The following OPCML variants were observed in gnomAD, a reference collection of about 807,000 sequenced individuals.
OPCML encodes the protein opioid-binding protein/cell adhesion molecule.
OPCML carries 13 observed loss-of-function variants against 37.8 expected under a neutral mutation model. That is an observed-to-expected ratio of 0.34 (90% CI 0.22 to 0.55). The LOEUF is 0.55. Among genes scored for constraint, OPCML ranks in the 20% least tolerant of loss-of-function variants. The pLI, the probability that OPCML is intolerant of heterozygous loss-of-function variation, is 0.91. For missense variants in OPCML, 341 were observed against 435.6 expected (o/e 0.78, Z 1.93); for synonymous variants, 176 against 168.8 (o/e 1.04, Z -0.33).
At chr11:133,420,194 C>CTT in intron 1 of OPCML, 44 of 717,068 alleles carry the variant, frequency 6.1e-5, no homozygotes, top group Non-Finnish European at 7.1e-5. Context: ...CACACAAGTA[C>CTT]TTTTTTTTTT....
At chr11:132,946,216 A>G (rs888472109) in intron 1 of OPCML, among the ~76,000 whole-genome samples, 14 of 152,200 alleles carry the variant, frequency 9.2e-5, no homozygotes, top group Admixed American at 2.0e-4. Context: ...TTCAGGAGCA[A>G]TAACATGCAC....
intron 4 of OPCML, among the ~76,000 whole-genome samples, chr11:132,527,928 G>GTCA (rs1555146126): frequency 7.3e-5 from 11 of 151,640 alleles, no homozygotes; most frequent in Non-Finnish European, 1.6e-4. Flanking sequence ...AGAGATCAGG[G>GTCA]TAATATATTT....
At chr11:133,126,826 C>T (rs1949524888) in intron 1 of OPCML, among the ~76,000 whole-genome samples, 1 of 152,076 alleles carries the variant, frequency 6.6e-6, no homozygotes, top group Non-Finnish European at 1.5e-5. Flanking sequence ...CATAGGGACC[C>T]ACGGGCACAT....
intron 2 of OPCML, among the ~76,000 whole-genome samples, chr11:132,836,764 G>A (rs1236266130): frequency 6.6e-6 from 1 of 152,166 alleles, no homozygotes; most frequent in South Asian, 2.1e-4. Flanking sequence ...ATTTATTTAA[G>A]CCCCAGCGGA....
intron 3 of OPCML, among the ~76,000 whole-genome samples, chr11:132,606,144 T>A (rs761941491): frequency 6.6e-6 from 1 of 152,192 alleles, no homozygotes; most frequent in African/African-American, 2.4e-5. Context: ...ATGAGAATGC[T>A]TCAGTCCTAT....
At chr11:132,613,886 C>A (rs969978496) in intron 3 of OPCML, among the ~76,000 whole-genome samples, 24 of 152,024 alleles carry the variant, frequency 1.6e-4, no homozygotes, top group African/African-American at 5.6e-4. Flanking sequence ...TCTTTTGAAA[C>A]CTCTTCTGGG....
chr11:133,147,074 A>C (rs1949907925), intron 1 of OPCML, among the ~76,000 whole-genome samples: 1 of 152,226 alleles, frequency 6.6e-6, no homozygotes, highest in South Asian at 2.1e-4. Context: ...GAACTCCTTC[A>C]GTCAGCAACA....
intron 1 of OPCML, among the ~76,000 whole-genome samples, chr11:133,142,711 A>G (rs1949841068): frequency 6.6e-6 from 1 of 152,150 alleles, no homozygotes; most frequent in Non-Finnish European, 1.5e-5. Context: ...TTGATAAATA[A>G]GAGGTGTGAA....
intron 3 of OPCML, among the ~76,000 whole-genome samples, chr11:132,535,001 T>C (rs1445500597): frequency 1.3e-5 from 2 of 149,546 alleles, no homozygotes; most frequent in East Asian, 1.9e-4. Context: ...CTTGGAGATA[T>C]ACACACACAC....
At chr11:133,117,910 A>G in intron 1 of OPCML, 1 of 985,364 alleles carries the variant, frequency 1.0e-6, no homozygotes, top group Non-Finnish European at 1.2e-6. Context: ...TTCAAATAAT[A>G]TTCAAAAAGA....
At chr11:132,443,525 C>T (rs1284062737) in intron 4 of OPCML, among the ~76,000 whole-genome samples, 1 of 152,240 alleles carries the variant, frequency 6.6e-6, no homozygotes, top group Non-Finnish European at 1.5e-5. Flanking sequence ...GATTGACGAC[C>T]AAGTGCATGC....
chr11:132,725,106 G>A (rs1944829286), intron 2 of OPCML, among the ~76,000 whole-genome samples: 1 of 152,222 alleles, frequency 6.6e-6, no homozygotes, highest in Admixed American at 6.5e-5. Context: ...TAGGGACTCT[G>A]TGTGTGGGCT....
At chr11:133,452,048 G>T (rs1307701485) in intron 1 of OPCML, among the ~76,000 whole-genome samples, 1 of 151,202 alleles carries the variant, frequency 6.6e-6, no homozygotes, top group Non-Finnish European at 1.5e-5. Context: ...ATTCAGAAGA[G>T]CATAACAGAA....
At chr11:133,167,730 G>C (rs972896433) in intron 1 of OPCML, among the ~76,000 whole-genome samples, 32 of 152,092 alleles carry the variant, frequency 2.1e-4, no homozygotes, top group African/African-American at 7.0e-4. Flanking sequence ...TTGCAGCACA[G>C]ACAGACCTTT....
At chr11:132,803,208 TA>T (rs1476309411) in intron 2 of OPCML, among the ~76,000 whole-genome samples, 1 of 152,148 alleles carries the variant, frequency 6.6e-6, no homozygotes, top group South Asian at 2.1e-4. Flanking sequence ...TCCCCACCAG[TA>T]AAAGCTATGC....
At chr11:132,640,939 C>A (rs1940819426) in intron 3 of OPCML, among the ~76,000 whole-genome samples, 2 of 152,172 alleles carry the variant, frequency 1.3e-5, no homozygotes, top group Admixed American at 6.5e-5. Context: ...CTGAGTAGGA[C>A]AACTTCTGCC....
Position 133,140,994 on chromosome 11 carries a change from A to AGAAGAC in OPCML, c.62-197990_62-197985dup, listed in dbSNP as rs1198377573. On this transcript the variant is annotated intron_variant, in intron 1 of 7. Transcript: ENST00000524381. Reference sequence around the variant, plus strand: ...AAGAAGAAGAAGAAGAAGAAGAAGAAGAAGACGACGACGACGACGACGACG... The same window carrying AGAAGAC: ...AAGAAGAAGAAGAAGAAGAAGAAGAAGAAGACGAAGACGACGACGACGACGACGACG... Among the ~76,000 whole-genome samples the AGAAGAC allele has an allele frequency of 1.5e-3, 6 of 4,084 alleles. 2 individuals carry two copies. Among genetic ancestry groups the AGAAGAC allele is most frequent in the Non-Finnish European group, 3.6e-3 (4 of 1,104 alleles). 2.7% of individuals were successfully genotyped at this position (4,084 alleles called of 152,430 possible).
intron 2 of OPCML, among the ~76,000 whole-genome samples, chr11:132,761,488 G>A (rs1946265566): frequency 6.6e-6 from 1 of 151,770 alleles, no homozygotes; most frequent in African/African-American, 2.4e-5. Context: ...CTTATTTCTT[G>A]GAGGCTTTGT....
chr11:132,822,320 A>G (rs983495262), intron 2 of OPCML, among the ~76,000 whole-genome samples: 3 of 152,158 alleles, frequency 2.0e-5, no homozygotes, highest in Non-Finnish European at 4.4e-5. Context: ...CCCCACAAAA[A>G]GAAGTGGTTC....
Sources: gnomAD v4.1 joint callset for allele counts (sites outside exome capture counted in the v4.1 genomes callset) on GRCh38, gnomAD v4.1.1 for gene constraint, MANE v1.5 for transcripts, NCBI Gene and HGNC (gene_info 2026-07-23, HGNC 2026-07-21) for gene names.